WDR86: variants seen among roughly 807,000 people sequenced by gnomAD.
The protein encoded by WDR86 is WD repeat-containing protein 86.
In WDR86, 30 loss-of-function variants were observed where a neutral mutation model predicts 36.5. The ratio of observed to expected loss-of-function variants is 0.82; its 90% CI spans 0.61 to 1.11. WDR86 has a LOEUF of 1.11. Ranked by LOEUF, WDR86 falls within the 50% of genes most tolerant of loss-of-function variation. The probability of loss-of-function intolerance (pLI) is 0.00; values close to 1 mark genes in which losing one functional copy is unlikely to be tolerated. For missense variants in WDR86, 545 were observed against 561.2 expected (o/e 0.97, Z 0.29); for synonymous variants, 255 against 252.9 (o/e 1.01, Z -0.08).
At chr7:151,372,145 C>G (rs944880867), downstream of WDR86, among the ~76,000 whole-genome samples, 1 of 152,248 alleles carries the variant, frequency 6.6e-6, no homozygotes, top group African/African-American at 2.4e-5. Flanking sequence ...GGCCGTGAGA[C>G]GTAGCCTTCC....
At chr7:151,370,992 C>T (rs1372043785), downstream of WDR86, among the ~76,000 whole-genome samples, 1 of 152,160 alleles carries the variant, frequency 6.6e-6, no homozygotes, top group Middle Eastern at 3.2e-3. Flanking sequence ...ACAGGTACTT[C>T]TCATCTTACA....
intron 2 of WDR86, among the ~76,000 whole-genome samples, chr7:151,397,733 G>GTAGCGGGAGGAAGGGCA (rs1554423256): frequency 5.1e-5 from 4 of 78,306 alleles, no homozygotes; most frequent in South Asian, 4.5e-4. Context: ...GGAAGAGGGT[G>GTAGCGGGAGGAAGGGCA]TAGCGGGAGG....
downstream of WDR86, chr7:151,377,142 T>C (rs1297680638): frequency 1.9e-6 from 3 of 1,589,220 alleles, no homozygotes; most frequent in Non-Finnish European, 2.6e-6. Context: ...CTATCTTGAC[T>C]CAACTCTGGA....
In WDR86 at chr7:151,381,529, C is replaced by G; in HGVS notation, c.*53G>C. 2 of 1,410,592 alleles carry G rather than the reference C, an allele frequency of 1.4e-6. No individual in the cohort carries two copies. The highest frequency in any genetic ancestry group is 1.8e-6 in the Non-Finnish European group (2 of 1,094,208). The allele number at this position is 1,410,592 out of a possible 1,614,324, so 87.4% of individuals were successfully genotyped here. ...CACCACCGCGGGTAGCAGGGCGGGG[C>G]GCTCTGGGAGCCGCTGGGTGTCTGG... On this transcript the variant is annotated 3_prime_UTR_variant, in exon 6 of 6. Coordinates refer to ENST00000334493, the MANE Select transcript of WDR86 (RefSeq NM_198285.3). This position sits in a 1 kb window ranked among gnomAD's most constrained non-coding sequence, Gnocchi z 4.8.
intron 2 of WDR86, among the ~76,000 whole-genome samples, chr7:151,398,449 G>A (rs1340039590): frequency 1.3e-5 from 2 of 151,778 alleles, no homozygotes; most frequent in African/African-American, 2.4e-5. Context: ...GTGTATGAGT[G>A]TATGTGTGTG....
chr7:151,376,585 C>A (rs1450886579), downstream of WDR86: 2 of 1,523,828 alleles, frequency 1.3e-6, no homozygotes, highest in Non-Finnish European at 8.9e-7. Context: ...ACGGGGGTGG[C>A]AGAAGAGGCG....
chr7:151,397,284 C>T (rs1799892919), intron 2 of WDR86, among the ~76,000 whole-genome samples: 1 of 152,248 alleles, frequency 6.6e-6, no homozygotes, highest in Non-Finnish European at 1.5e-5. Flanking sequence ...CCTGCTGCCT[C>T]CCGCCTCCAC....
In WDR86 at chr7:151,409,936, G is replaced by T; in HGVS notation, c.-347C>A. On this transcript the variant is annotated 5_prime_UTR_variant, in exon 1 of 6. Transcript: ENST00000334493. This position sits in a 1 kb window ranked among gnomAD's most constrained non-coding sequence, Gnocchi z 5.2. The stretch of plus-strand genomic sequence containing the variant: ...GGCAGCTGCGTCTCTGGTGCACAAG[G>T]AGCCCCCCGCCTCCTCTCGCGCCCA... The T allele has an allele frequency of 9.4e-7, 1 of 1,058,758 alleles. No individual in the cohort carries two copies. Among genetic ancestry groups the T allele is most frequent in the Non-Finnish European group, 1.1e-6 (1 of 878,204 alleles). 65.6% of individuals were successfully genotyped at this position (1,058,758 alleles called of 1,614,324 possible).
Position 151,409,909 on chromosome 7 carries a change from A to C in WDR86, c.-320T>G. On this transcript the variant is annotated 5_prime_UTR_variant, in exon 1 of 6. Coordinates refer to ENST00000334493, the MANE Select transcript of WDR86 (RefSeq NM_198285.3). The surrounding 1 kb of genome is among the most constrained non-coding windows in gnomAD (Gnocchi z 5.2). ...AGGATCCACACCCCACCGGGCGAACAAGGCAGCTGCGTCTCTGGTGCACAA... is the reference window on the plus strand; with the variant it reads ...AGGATCCACACCCCACCGGGCGAACCAGGCAGCTGCGTCTCTGGTGCACAA... 5 of 1,096,644 alleles carry C rather than the reference A, an allele frequency of 4.6e-6. No individual in the cohort carries two copies. The highest frequency in any genetic ancestry group is 4.4e-6 in the Non-Finnish European group (4 of 902,040). 67.9% of individuals were successfully genotyped at this position (1,096,644 alleles called of 1,614,324 possible).
intron 2 of WDR86, among the ~76,000 whole-genome samples, chr7:151,399,259 G>T (rs1412338182): frequency 2.0e-5 from 3 of 152,206 alleles, no homozygotes; most frequent in African/African-American, 7.2e-5. Context: ...TGGGCTGATG[G>T]GTCTCACTGC....
chr7:151,395,968 C>G lies in WDR86; in HGVS notation c.534G>C (p.Trp178Cys). ...TGSTDGTAKV[W>C]QVASGCCHQT... ...GGTGGCAGCAGCCGCTGGCCACCTG[C>G]CACACCTTGGCTGTGCCATCTGTGC... The change falls in exon 3 of 6, where the codon TGG becomes TGC. Residue 178 changes from tryptophan (W) to cysteine (C), a missense_variant. By Grantham distance (215) the Trp-to-Cys change is radical. Coordinates refer to ENST00000334493, the MANE Select transcript of WDR86 (RefSeq NM_198285.3). 6.3e-7 allele frequency: 1 copy of G among 1,596,282 alleles called. No individual in the cohort carries two copies. The highest frequency in any genetic ancestry group is 1.1e-5 in the South Asian group (1 of 89,046).
At chr7:151,378,222 A>G (rs6747), downstream of WDR86, 118,990 of 152,214 alleles carry the variant, frequency 0.78, 47,364 homozygotes, top group East Asian at 0.99. Context: ...CCCCAGGACC[A>G]CAGCAGCAGC....
chr7:151,383,889 C>T (rs545278609), intron 4 of WDR86, among the ~76,000 whole-genome samples: 8 of 152,346 alleles, frequency 5.3e-5, no homozygotes, highest in African/African-American at 1.9e-4. Flanking sequence ...GCTCCATGCC[C>T]CGGCTGCACG....
chr7:151,396,033 C>T lies in WDR86; in HGVS notation c.469G>A (p.Ala157Thr), dbSNP rs373115487. The stretch of plus-strand genomic sequence containing the variant: ...AGCCCCCCGGCCGCGGCCTCCTCCG[C>T]GCAGGGAGTGCTGGGGAGGTCCCAC... ...APWDLPSTPC[A>T]EEAAAGGLLV... The change falls in exon 3 of 6, where the codon GCG becomes ACG. Residue 157 changes from alanine to threonine, a missense_variant. By Grantham distance (58) the Ala-to-Thr change is moderately conservative. Coordinates refer to ENST00000334493, the MANE Select transcript of WDR86 (RefSeq NM_198285.3). 5.0e-5 allele frequency: 81 copies of T among 1,609,050 alleles called. No homozygotes were observed. The highest frequency in any genetic ancestry group is 5.4e-5 in the Non-Finnish European group (64 of 1,178,090).
rs150787907 is a variant in WDR86, at chr7:151,400,279, G to A, written c.164-38C>T. 8.6e-6 allele frequency: 13 copies of A among 1,513,558 alleles called. No individual in the cohort carries two copies. In the East Asian group the frequency reaches 3.2e-4, roughly 38 times the overall value. The allele number at this position is 1,513,558 out of a possible 1,614,324, so 93.8% of individuals were successfully genotyped here. On this transcript the variant is annotated intron_variant, in intron 1 of 5. Transcript: ENST00000334493. ...GACAGGGGAGATGTGAGCGTACTGG[G>A]GATGCCAGCTCCTGCTTTTCTTCTG...
intron 3 of WDR86, among the ~76,000 whole-genome samples, chr7:151,386,675 C>A (rs770298158): frequency 6.6e-6 from 1 of 152,176 alleles, no homozygotes; most frequent in Admixed American, 6.5e-5. Context: ...GCAGGAAGGA[C>A]AAATGGACCT....
chr7:151,409,804 G>T lies in WDR86; in HGVS notation c.-215C>A, dbSNP rs947622814. ...CCCGCGAACCCAGGGCGCTGCGGGG[G>T]GCGGCCCACTCGGGACCTCCGCCCT... On this transcript the variant is annotated 5_prime_UTR_variant, in exon 1 of 6. Transcript: ENST00000334493. The surrounding 1 kb of genome is among the most constrained non-coding windows in gnomAD (Gnocchi z 5.2). The T allele has an allele frequency of 1.6e-6, 2 of 1,263,760 alleles. No homozygotes were observed. The highest frequency in any genetic ancestry group is 3.1e-5 in the African/African-American group (2 of 64,072). 78.3% of individuals were successfully genotyped at this position (1,263,760 alleles called of 1,614,324 possible). A position where few individuals can be genotyped will look rare whatever the true frequency, so the allele number is the denominator to read the frequency against.
At chr7:151,384,551 C>T (rs560650853) in intron 4 of WDR86, among the ~76,000 whole-genome samples, 23 of 152,314 alleles carry the variant, frequency 1.5e-4, no homozygotes, top group African/African-American at 5.3e-4. Flanking sequence ...AAGGTCTGTG[C>T]TAAGGATGAC....
rs527375635 is a variant in WDR86, at chr7:151,401,553, C to T, written c.164-1312G>A. On this transcript the variant is annotated intron_variant, in intron 1 of 5. Coordinates refer to ENST00000334493, the MANE Select transcript of WDR86 (RefSeq NM_198285.3). This position sits in a 1 kb window ranked among gnomAD's most constrained non-coding sequence, Gnocchi z 4.3. ...AGCGCAGACTGAGGACAGAGGCAGC[C>T]GCAGAGGGAATGGCACATGTTCGCT... 3.5e-4 allele frequency among the ~76,000 whole-genome samples: 54 copies of T among 152,268 alleles called. No homozygotes were observed. The highest frequency in any genetic ancestry group is 1.2e-3 in the African/African-American group (50 of 41,560).
Sources: allele counts gnomAD v4.1 joint callset (sites outside exome capture counted in the v4.1 genomes callset), GRCh38; gene constraint gnomAD v4.1.1; non-coding constraint Gnocchi (gnomAD v3.1); transcripts MANE v1.5; gene names NCBI Gene and HGNC (gene_info 2026-07-23, HGNC 2026-07-21).